The following XRCC2 variants were observed in gnomAD, a reference collection of about 807,000 sequenced individuals.
XRCC2 encodes the protein X-ray repair cross complementing 2.
In XRCC2, 24 loss-of-function variants were observed where a neutral mutation model predicts 27.3. The observed-to-expected ratio is 0.88, with a 90% CI of 0.64 to 1.24. XRCC2 has a LOEUF of 1.24. Among genes scored for constraint, XRCC2 ranks in the 50% most tolerant of loss-of-function variants. The probability of loss-of-function intolerance (pLI) is 0.00; values close to 1 mark genes in which losing one functional copy is unlikely to be tolerated. For synonymous variants in XRCC2, 106 were observed against 115.4 expected (o/e 0.92, Z 0.52); for missense variants, 321 against 325.8 (o/e 0.99, Z 0.11).
At chr7:152,665,897 A>G (rs1345358159) in intron 1 of XRCC2, among the ~76,000 whole-genome samples, 2 of 152,172 alleles carry the variant, frequency 1.3e-5, no homozygotes, top group Non-Finnish European at 2.9e-5. Context: ...AAAGGTCTTA[A>G]AATACTCCTC....
chr7:152,653,486 G>T (rs1326964403), intron 2 of XRCC2, among the ~76,000 whole-genome samples: 1 of 152,080 alleles, frequency 6.6e-6, no homozygotes, highest in Non-Finnish European at 1.5e-5. Context: ...TTGAGACAGG[G>T]TCTCATTCTG....
At chr7:152,674,683 A>AAATATATTTAAATATATATTTATAT (rs2098039566) in intron 1 of XRCC2, among the ~76,000 whole-genome samples, 2 of 68,238 alleles carry the variant, frequency 2.9e-5, no homozygotes, top group African/African-American at 5.5e-5. Flanking sequence ...TCTATATTAT[A>AAATATATTTAAATATATATTTATAT]AATATATTTT....
At chr7:152,656,659 C>G (rs1010182899) in intron 2 of XRCC2, among the ~76,000 whole-genome samples, 1 of 152,132 alleles carries the variant, frequency 6.6e-6, no homozygotes, top group Non-Finnish European at 1.5e-5. Context: ...ATATAATATT[C>G]TAATGTAGAA....
At chr7:152,651,600 T>C (rs1319085132) in intron 2 of XRCC2, among the ~76,000 whole-genome samples, 1 of 151,952 alleles carries the variant, frequency 6.6e-6, no homozygotes, top group Non-Finnish European at 1.5e-5. Flanking sequence ...AAATTTACCT[T>C]AAGAAGAAAT....
At position 152,648,606 on chromosome 7, in the gene XRCC2, C is replaced by T. The variant is rs186039383; in HGVS notation, c.*36G>A. 2,062 of 1,545,452 alleles carry T rather than the reference C, an allele frequency of 1.3e-3. 6 individuals are homozygous for T. The highest frequency in any genetic ancestry group is 1.7e-3 in the Non-Finnish European group (1,969 of 1,153,862). On this transcript the variant is annotated 3_prime_UTR_variant, in exon 3 of 3. Transcript: ENST00000359321. The stretch of plus-strand genomic sequence containing the variant: ...GTCTTAAGAAAAATTTTAAGGCTTG[C>T]GTAGTACCCTGCAAAAGACTATTTT...
At chr7:152,659,836 T>G (rs1289791540) in intron 2 of XRCC2, among the ~76,000 whole-genome samples, 1 of 152,130 alleles carries the variant, frequency 6.6e-6, no homozygotes, top group African/African-American at 2.4e-5. Context: ...CAGAAAAACA[T>G]GTACACAGAT....
intron 2 of XRCC2, among the ~76,000 whole-genome samples, chr7:152,655,319 A>C (rs778242618): frequency 6.6e-6 from 1 of 152,188 alleles, no homozygotes; most frequent in Non-Finnish European, 1.5e-5. Context: ...TTATATAACA[A>C]ATATGTTGAA....
rs758914269 is a variant in XRCC2 at position 152,649,099 on chromosome 7, G to A, written c.386C>T (p.Thr129Ile). ...AAACATACTTTCTAGTGAGTAAAGT[G>A]TAAGAAGTAAGTGGGTGCTACTACT... Reference protein sequence around the residue: ...YCSSSTHLLLTLYSLESMFCS... With the variant: ...YCSSSTHLLLILYSLESMFCS... The change falls in exon 3 of 3, where the codon ACA (threonine) becomes ATA (isoleucine). Residue 129 changes from threonine to isoleucine, a missense_variant. Physicochemically the swap from Thr to Ile is moderately conservative, Grantham distance 89. Transcript: ENST00000359321. 1.1e-5 allele frequency: 17 copies of A among 1,614,040 alleles called. No individual in the cohort carries two copies. Among genetic ancestry groups the A allele is most frequent in the East Asian group, 8.9e-5 (4 of 44,906 alleles).
intron 1 of XRCC2, among the ~76,000 whole-genome samples, chr7:152,673,664 A>C (rs1466850725): frequency 6.6e-6 from 1 of 152,008 alleles, no homozygotes; most frequent in Non-Finnish European, 1.5e-5. Context: ...TCAGGAGTTT[A>C]AGACCAGCCT....
Position 152,646,605 on chromosome 7 carries a change from T to G in XRCC2, c.*2037A>C, listed in dbSNP as rs2098026029. On this transcript the variant is annotated 3_prime_UTR_variant, in exon 3 of 3. Transcript: ENST00000359321. ...AATTCTCCTGCCTCGGCCTCCTGAG[T>G]AGCTGGCACTACAGGCACGCACCAC... 1 of 152,244 alleles carries G rather than the reference T, an allele frequency of 6.6e-6. No individual in the cohort carries two copies. The highest frequency in any genetic ancestry group is 1.5e-5 in the Non-Finnish European group (1 of 68,130). 9.4% of individuals were successfully genotyped at this position (152,244 alleles called of 1,614,324 possible). A position where few individuals can be genotyped will look rare whatever the true frequency, so the allele number is the denominator to read the frequency against.
intron 1 of XRCC2, among the ~76,000 whole-genome samples, chr7:152,674,236 T>G (rs921734448): frequency 1.3e-5 from 2 of 152,224 alleles, no homozygotes; most frequent in African/African-American, 4.8e-5. Context: ...GACTTAACTG[T>G]GCTAGACTCT....
chr7:152,673,763 C>A (rs3218392), intron 1 of XRCC2, among the ~76,000 whole-genome samples: 166 of 152,134 alleles, frequency 1.1e-3, no homozygotes, highest in African/African-American at 3.8e-3. Context: ...GTAGTCCCAG[C>A]TACTCGGGAG....
intron 2 of XRCC2, among the ~76,000 whole-genome samples, chr7:152,655,466 T>A (rs2098030319): frequency 2.0e-5 from 3 of 152,182 alleles, no homozygotes; most frequent in African/African-American, 7.2e-5. Context: ...CCCAGCACTT[T>A]GGGAGGCTGA....
intron 2 of XRCC2, among the ~76,000 whole-genome samples, chr7:152,653,799 G>A (rs1287008126): frequency 6.6e-6 from 1 of 152,110 alleles, no homozygotes; most frequent in Admixed American, 6.5e-5. Context: ...TTCACATTGA[G>A]TATTCCAGCA....
chr7:152,657,915 TATAAA>T (rs1167270392), intron 2 of XRCC2, among the ~76,000 whole-genome samples: 6 of 149,556 alleles, frequency 4.0e-5, no homozygotes, highest in Non-Finnish European at 8.9e-5. Flanking sequence ...ATAAGACATA[TATAAA>T]AAACAGACAG....
chr7:152,658,893 T>A (rs2098031854), intron 2 of XRCC2, among the ~76,000 whole-genome samples: 1 of 152,240 alleles, frequency 6.6e-6, no homozygotes, highest in Non-Finnish European at 1.5e-5. Flanking sequence ...TAGGTTGGTT[T>A]TACCTCTTAG....
chr7:152,675,899 G>T, intron 1 of XRCC2, 142 bp downstream of exon 1: 3 of 1,073,836 alleles, frequency 2.8e-6, no homozygotes, highest in South Asian at 2.7e-5. Flanking sequence ...CCAGCATCGC[G>T]GGCGTCTAGG....
intron 1 of XRCC2, among the ~76,000 whole-genome samples, chr7:152,668,537 A>G (rs969748887): frequency 1.4e-5 from 2 of 141,400 alleles, no homozygotes; most frequent in Non-Finnish European, 3.1e-5. Flanking sequence ...TTAAGTGTCC[A>G]GGGTAAAGGG....
chr7:152,654,464 G>T (rs2116993363), intron 2 of XRCC2, among the ~76,000 whole-genome samples: 1 of 152,206 alleles, frequency 6.6e-6, no homozygotes, highest in South Asian at 2.1e-4. Context: ...TCAAGAAAAT[G>T]AAACTACTAA....
Sources: gnomAD v4.1 joint callset for allele counts (sites outside exome capture counted in the v4.1 genomes callset) on GRCh38, gnomAD v4.1.1 for gene constraint, MANE v1.5 for transcripts, NCBI Gene and HGNC (gene_info 2026-07-23, HGNC 2026-07-21) for gene names.